PSMC3: variants seen among roughly 807,000 people sequenced by gnomAD.
PSMC3 encodes the protein 26S proteasome regulatory subunit 6A.
A neutral mutation model predicts 52.0 loss-of-function variants in PSMC3; 11 were observed. The ratio of observed to expected loss-of-function variants is 0.21; its 90% CI spans 0.13 to 0.35. The LOEUF (loss-of-function observed/expected upper bound fraction) is 0.35, where lower values mean the gene tolerates loss of function less well. PSMC3 is among the 10% of genes least tolerant of loss of function. The probability of loss-of-function intolerance (pLI) is 1.00; values close to 1 mark genes in which losing one functional copy is unlikely to be tolerated. For missense variants in PSMC3, 238 were observed against 567.1 expected, an observed-to-expected ratio of 0.42 and a Z score of 5.89; for synonymous variants, 201 against 218.8, an observed-to-expected ratio of 0.92 and a Z score of 0.72.
At chr11:47,421,575 C>G (rs1425555955) in intron 8 of PSMC3, among the ~76,000 whole-genome samples, 6 of 151,598 alleles carry the variant, frequency 4.0e-5, no homozygotes, top group Admixed American at 3.3e-4. Flanking sequence ...AGGGTGAAGG[C>G]GCAAAAAGGC....
chr11:47,420,164 G>C, intron 10 of PSMC3, 100 bp downstream of exon 10: 1 of 1,406,346 alleles, frequency 7.1e-7, no homozygotes, highest in Non-Finnish European at 9.9e-7. Context: ...CTGGGAGGTG[G>C]TGGTCGTGGA....
Position 47,422,075 on chromosome 11 carries a change from A to T in PSMC3, c.884+499T>A, listed in dbSNP as rs1367415029. On this transcript the variant is annotated intron_variant, in intron 8 of 11. Transcript: ENST00000298852. This position sits in a 1 kb window ranked among gnomAD's most constrained non-coding sequence, Gnocchi z 4.3. ...TTTTTTTTTTTTGAGACAGAGTCTC[A>T]CTCTTTCACCAGGCTGGAGTGCAGT... Among the ~76,000 whole-genome samples, 1 of 145,478 alleles carries T rather than the reference A, an allele frequency of 6.9e-6. No individual in the cohort carries two copies. Among genetic ancestry groups the T allele is most frequent in the Non-Finnish European group, 1.5e-5 (1 of 66,524 alleles).
At chr11:47,420,151 G>C (rs930020013) in intron 10 of PSMC3, 113 bp downstream of exon 10, 3 of 1,280,268 alleles carry the variant, frequency 2.3e-6, no homozygotes, top group Non-Finnish European at 3.3e-6. Context: ...GTGTGCCTGG[G>C]GCCTGGGAGG....
At position 47,422,890 on chromosome 11, in the gene PSMC3, C is replaced by T. The variant is rs2096042278; in HGVS notation, c.675G>A (p.Met225Ile). 4 of 1,613,998 alleles carry T rather than the reference C, an allele frequency of 2.5e-6. No homozygotes were observed. The highest frequency in any genetic ancestry group is 1.7e-6 in the Non-Finnish European group (2 of 1,179,936). Residue 225 changes from methionine to isoleucine, a missense_variant, in exon 7 of 12, where the codon ATG (methionine) becomes ATA (isoleucine). This residue lies in a region of PSMC3 where 60 missense variants were observed against 117.3 expected (regional missense o/e 0.51). Coordinates refer to ENST00000298852, the MANE Select transcript of PSMC3 (RefSeq NM_002804.5). This position sits in a 1 kb window ranked among gnomAD's most constrained non-coding sequence, Gnocchi z 4.3. The stretch of plus-strand genomic sequence containing the variant: ...TCTTCCCCGTCCCTGGGGGCCCATA[C>T]ATCAGCACCCCTTTTGGAGGTTGGA... ...LGIQPPKGVLMYGPPGTGKTL... is the reference protein window; with the variant it reads ...LGIQPPKGVLIYGPPGTGKTL...
chr11:47,419,093 A>G (rs1368628929), intron 11 of PSMC3, 23 bp downstream of exon 11: 7 of 1,613,646 alleles, frequency 4.3e-6, no homozygotes, highest in Non-Finnish European at 5.9e-6. Context: ...AAAGCAACGC[A>G]CCCACCCCAG....
At chr11:47,423,835 G>A (rs981352965) in intron 6 of PSMC3, among the ~76,000 whole-genome samples, 1 of 151,518 alleles carries the variant, frequency 6.6e-6, no homozygotes, top group African/African-American at 2.4e-5. Flanking sequence ...CAGGAGCCTG[G>A]GCTCCAGTCC....
chr11:47,420,153 C>G (rs1349744463), intron 10 of PSMC3, 111 bp downstream of exon 10: 7 of 1,297,444 alleles, frequency 5.4e-6, no homozygotes, highest in Non-Finnish European at 7.7e-6. Context: ...GTGCCTGGGG[C>G]CTGGGAGGTG....
intron 10 of PSMC3, 25 bp from the exon 11 acceptor site, chr11:47,419,222 G>C: frequency 6.2e-7 from 1 of 1,612,488 alleles, no homozygotes; most frequent in Non-Finnish European, 8.5e-7. Context: ...GATACCACAG[G>C]CTCAGTGGCT....
chr11:47,422,440 A>G lies in PSMC3; in HGVS notation c.884+134T>C. On this transcript the variant is annotated intron_variant, in intron 8 of 11. Coordinates refer to ENST00000298852, the MANE Select transcript of PSMC3 (RefSeq NM_002804.5). This position sits in a 1 kb window ranked among gnomAD's most constrained non-coding sequence, Gnocchi z 4.3. ...TCAGGAGTTAGGAATTGGAATCTCA[A>G]GAGTTGAGGAGCCACCATCCAGGGG... 1 of 1,085,332 alleles carries G rather than the reference A, an allele frequency of 9.2e-7. No individual in the cohort carries two copies. Among genetic ancestry groups the G allele is most frequent in the Non-Finnish European group, 1.3e-6 (1 of 751,246 alleles). The allele number at this position is 1,085,332 out of a possible 1,614,324, so 67.2% of individuals were successfully genotyped here.
chr11:47,419,648 A>G (rs918900406), intron 10 of PSMC3, among the ~76,000 whole-genome samples: 3 of 152,292 alleles, frequency 2.0e-5, no homozygotes, highest in Middle Eastern at 3.4e-3. Context: ...TCACAAGGTC[A>G]GGAAATCAAG....
rs1405540334 is a variant in PSMC3, at chr11:47,422,190, C to A, written c.884+384G>T. Among the ~76,000 whole-genome samples the A allele has an allele frequency of 2.0e-5, 3 of 152,064 alleles. No homozygotes were observed. Among genetic ancestry groups the A allele is most frequent in the African/African-American group, 7.2e-5 (3 of 41,412 alleles). On this transcript the variant is annotated intron_variant, in intron 8 of 11. Coordinates refer to ENST00000298852, the MANE Select transcript of PSMC3 (RefSeq NM_002804.5). This position sits in a 1 kb window ranked among gnomAD's most constrained non-coding sequence, Gnocchi z 4.3. Reference sequence around the variant, plus strand: ...CCCAGGCATCTGGGACTACAGGCGCCTGCTACCACGCCCAGCTAATTTTTT... The same window carrying A: ...CCCAGGCATCTGGGACTACAGGCGCATGCTACCACGCCCAGCTAATTTTTT...
Position 47,418,871 on chromosome 11 carries a change from C to G in PSMC3, c.1284G>C (p.Gln428His). Residue 428 changes from glutamine (Q) to histidine (H), a missense_variant, in exon 12 of 12, where the codon CAG (glutamine) becomes CAC (histidine). By Grantham distance (24) the Gln-to-His change is conservative. Around this residue, in one of 6 missense-constraint regions of PSMC3, gnomAD observed 23 missense variants for 64.6 expected, o/e 0.36. Coordinates refer to ENST00000298852, the MANE Select transcript of PSMC3 (RefSeq NM_002804.5). ...ATTGTAGGTTGGCTTTCTTCTTGGC[C>G]TGCACCTCCAGGATGCCTTCCATGT... ...EDYMEGILEV[Q>H]AKKKANLQYY... is the part of the protein sequence containing the mutation. The G allele has an allele frequency of 6.2e-7, 1 of 1,614,212 alleles. No homozygotes were observed. The highest frequency in any genetic ancestry group is 8.5e-7 in the Non-Finnish European group (1 of 1,180,020).
Position 47,425,252 on chromosome 11 carries a change from A to C in PSMC3, c.160-6T>G. 1.2e-6 allele frequency: 2 copies of C among 1,613,990 alleles called. No individual in the cohort carries two copies. Among genetic ancestry groups the C allele is most frequent in the East Asian group, 4.5e-5 (2 of 44,862 alleles). On this transcript the variant is annotated splice_region_variant and splice_polypyrimidine_tract_variant and intron_variant, in intron 2 of 11. Transcript: ENST00000298852. ...AACACTTCACTCTTCATGATCTGAG[A>C]TCAGGAGGGGAGGAGAAGCAAATAT... is the stretch of plus-strand genomic sequence containing the variant.
chr11:47,423,094 T>C (rs537055383), intron 6 of PSMC3, 121 bp from the exon 7 acceptor site: 6 of 1,091,520 alleles, frequency 5.5e-6, no homozygotes, highest in Non-Finnish European at 7.8e-6. Flanking sequence ...CGCCCATTTC[T>C]TTCCCCATAT....
chr11:47,426,139 C>T (rs1230562308), intron 1 of PSMC3, 66 bp downstream of exon 1: 2 of 1,510,074 alleles, frequency 1.3e-6, no homozygotes, highest in East Asian at 2.5e-5. Flanking sequence ...CCACCTCCTT[C>T]CCTCTTGTCA....
rs771457833 is a variant in PSMC3 at position 47,424,124 on chromosome 11, C to T, written c.513G>A (p.Arg171=). The change falls in exon 6 of 12, where the codon CGG becomes CGA. Residue 171 remains arginine, a synonymous_variant. Coordinates refer to ENST00000298852, the MANE Select transcript of PSMC3 (RefSeq NM_002804.5). The surrounding 1 kb of genome is among the most constrained non-coding windows in gnomAD (Gnocchi z 4.8). The stretch of plus-strand genomic sequence containing the variant: ...TCTCGTCTACCTCCATGGCCTTCAC[C>T]CGCGAGTCATACTCTGTGGGCAGCG... ...LETLPTEYDS[R]VKAMEVDERP... is the part of the protein sequence containing the mutation. 6 of 1,614,068 alleles carry T rather than the reference C, an allele frequency of 3.7e-6. No individual in the cohort carries two copies. The highest frequency in any genetic ancestry group is 5.1e-6 in the Non-Finnish European group (6 of 1,180,050).
chr11:47,419,297 G>T, intron 10 of PSMC3, 100 bp from the exon 11 acceptor site: 3 of 1,298,786 alleles, frequency 2.3e-6, no homozygotes, highest in African/African-American at 1.4e-5. Flanking sequence ...AAGTCAAGTT[G>T]CCCTGTGATC....
At chr11:47,423,399 C>T (rs1315086767) in intron 6 of PSMC3, among the ~76,000 whole-genome samples, 1 of 149,678 alleles carries the variant, frequency 6.7e-6, no homozygotes, top group Non-Finnish European at 1.5e-5. Flanking sequence ...AGCAAGACTC[C>T]GTCACAAAAA....
rs944774608 is a variant in PSMC3, at chr11:47,418,962, C to G, written c.1210-17G>C. 7 of 1,613,518 alleles carry G rather than the reference C, an allele frequency of 4.3e-6. No homozygotes were observed. In the African/African-American group the frequency reaches 5.3e-5, roughly 12 times the overall value. ...GATCATGCCCTACAGCCGGGACAAA[C>G]AGAGTCTAGGTCTGAACGCCTGAAT... is the stretch of plus-strand genomic sequence containing the variant. On this transcript the variant is annotated splice_polypyrimidine_tract_variant and intron_variant, in intron 11 of 11. Transcript: ENST00000298852.
Sources: gnomAD v4.1 joint callset for allele counts (sites outside exome capture counted in the v4.1 genomes callset) on GRCh38, gnomAD v4.1.1 for gene constraint, gnomAD v4.1.1 regional missense constraint, Gnocchi (gnomAD v3.1) non-coding constraint, MANE v1.5 for transcripts, NCBI Gene and HGNC (gene_info 2026-07-23, HGNC 2026-07-21) for gene names.